Variants in SNIP1 observed in about 807,000 individuals in gnomAD.
SNIP1 encodes the protein smad nuclear-interacting protein 1.
Under a neutral mutation model 37.4 loss-of-function variants are expected in SNIP1, and 23 were observed. The observed-to-expected ratio is 0.61, with a 90% CI of 0.44 to 0.87. The LOEUF (loss-of-function observed/expected upper bound fraction) is 0.87. Ranked by LOEUF, SNIP1 falls within the 40% of genes least tolerant of loss-of-function variation. The pLI is 0.00. For missense variants in SNIP1, 459 were observed against 540.4 expected, an observed-to-expected ratio of 0.85 and a Z score of 1.49; for synonymous variants, 174 against 200.0, an observed-to-expected ratio of 0.87 and a Z score of 1.10.
In SNIP1 at chr1:37,537,629, G is replaced by T; in HGVS notation, c.*119C>A. The T allele has an allele frequency of 1.9e-6, 2 of 1,032,372 alleles. No individual in the cohort carries two copies. The highest frequency in any genetic ancestry group is 2.9e-6 in the Non-Finnish European group (2 of 697,818). The allele number at this position is 1,032,372 out of a possible 1,614,324, so 64.0% of individuals were successfully genotyped here. On this transcript the variant is annotated 3_prime_UTR_variant, in exon 4 of 4. Transcript: ENST00000296215. ...GTCAGCAACAGAGGAAAGACTTAAG[G>T]CAGTAAGAGGCATTACAGAGAGCAC...
In SNIP1 at chr1:37,540,951, T is replaced by C. The variant is rs993434002; in HGVS notation, c.328-196A>G. Reference sequence around the variant, plus strand: ...GCAAGGCCACAAAGATGATATCCCATGCTGCTATTCAACTATAGCCCTAAT... The same window carrying C: ...GCAAGGCCACAAAGATGATATCCCACGCTGCTATTCAACTATAGCCCTAAT... On this transcript the variant is annotated intron_variant, in intron 2 of 3. Coordinates refer to ENST00000296215, the MANE Select transcript of SNIP1 (RefSeq NM_024700.4). This position sits in a 1 kb window ranked among gnomAD's most constrained non-coding sequence, Gnocchi z 5.6. The C allele has an allele frequency of 9.1e-6, 5 of 552,454 alleles. No individual in the cohort carries two copies. Among genetic ancestry groups the C allele is most frequent in the Admixed American group, 3.3e-5 (1 of 30,686 alleles). 34.2% of individuals were successfully genotyped at this position (552,454 alleles called of 1,614,324 possible).
chr1:37,535,589 A>G lies in SNIP1; in HGVS notation c.*2159T>C, dbSNP rs1269603292. 3 of 152,182 alleles carry G rather than the reference A, an allele frequency of 2.0e-5. No homozygotes were observed. Among genetic ancestry groups the G allele is most frequent in the Non-Finnish European group, 4.4e-5 (3 of 68,038 alleles). 9.4% of individuals were successfully genotyped at this position (152,182 alleles called of 1,614,324 possible). A position where few individuals can be genotyped will look rare whatever the true frequency, so the allele number is the denominator to read the frequency against. On this transcript the variant is annotated 3_prime_UTR_variant, in exon 4 of 4. Transcript: ENST00000296215. ...TTGTAGCAAAACTCAAGGCTACCAC[A>G]AAGTAGTGCTACTGCAGCACAGACT...
chr1:37,552,936 A>T (rs890729682), intron 1 of SNIP1, among the ~76,000 whole-genome samples, 189 bp from the exon 2 acceptor site: 1 of 152,144 alleles, frequency 6.6e-6, no homozygotes, highest in Non-Finnish European at 1.5e-5. Flanking sequence ...ACTCACATAG[A>T]CAACTGTCTA....
At chr1:37,549,365 A>G (rs965688193) in intron 2 of SNIP1, among the ~76,000 whole-genome samples, 2 of 152,208 alleles carry the variant, frequency 1.3e-5, no homozygotes, top group African/African-American at 4.8e-5. Context: ...TAAAAAGTCA[A>G]TTATTGCCCC....
At chr1:37,546,159 C>A (rs1036547280) in intron 2 of SNIP1, among the ~76,000 whole-genome samples, 3 of 115,820 alleles carry the variant, frequency 2.6e-5, no homozygotes, top group Non-Finnish European at 3.8e-5. Flanking sequence ...CCCCCCCCCC[C>A]GCTCCCTGCC....
rs531445927 is a variant in SNIP1, at chr1:37,534,768, C to T, written c.*2980G>A. ...AAAATCTGAAGATTCTGTCCCATAC[C>T]TCTGCAGAATCATGGACCCCCACAG... On this transcript the variant is annotated 3_prime_UTR_variant, in exon 4 of 4. Transcript: ENST00000296215. 1 of 152,214 alleles carries T rather than the reference C, an allele frequency of 6.6e-6. No individual in the cohort carries two copies. Among genetic ancestry groups the T allele is most frequent in the South Asian group, 2.1e-4 (1 of 4,820 alleles). The allele number at this position is 152,214 out of a possible 1,614,324, so 9.4% of individuals were successfully genotyped here.
At chr1:37,538,579 G>T (rs1643129079) in intron 3 of SNIP1, among the ~76,000 whole-genome samples, 1 of 150,882 alleles carries the variant, frequency 6.6e-6, no homozygotes, top group Non-Finnish European at 1.5e-5. Flanking sequence ...TAGATCAAAA[G>T]GTGGAAATGC....
At chr1:37,548,919 C>G (rs1163253811) in intron 2 of SNIP1, 2 of 152,372 alleles carry the variant, frequency 1.3e-5, no homozygotes, top group African/African-American at 2.4e-5. Context: ...AACTGTAAGT[C>G]CATTAAACCT....
In SNIP1 at chr1:37,540,465, A is replaced by G; in HGVS notation, c.618T>C (p.Val206=). 1 of 1,614,022 alleles carries G rather than the reference A, an allele frequency of 6.2e-7. No individual in the cohort carries two copies. Among genetic ancestry groups the G allele is most frequent in the East Asian group, 2.2e-5 (1 of 44,882 alleles). ...GGGGSESQEL[V]PRPGGNNKEK... is the part of the protein sequence containing the mutation. ...CTTTGTTGTTGCCACCAGGCCGAGG[A>G]ACCAACTCCTGAGACTCACTGCCGC... Residue 206 remains valine (V), a synonymous_variant, in exon 3 of 4, where the codon GTT becomes GTC. Transcript: ENST00000296215. The surrounding 1 kb of genome is among the most constrained non-coding windows in gnomAD (Gnocchi z 5.6).
In SNIP1 at chr1:37,534,975, A is replaced by T. The variant is rs1481757587; in HGVS notation, c.*2773T>A. 6.6e-6 allele frequency: 1 copy of T among 151,812 alleles called. No homozygotes were observed. Among genetic ancestry groups the T allele is most frequent in the East Asian group, 1.9e-4 (1 of 5,188 alleles). 9.4% of individuals were successfully genotyped at this position (151,812 alleles called of 1,614,324 possible). On this transcript the variant is annotated 3_prime_UTR_variant, in exon 4 of 4. Coordinates refer to ENST00000296215, the MANE Select transcript of SNIP1 (RefSeq NM_024700.4). ...AAAGCTCTAGGATTATGTCCACTTTAAGAAGTCTGCTGGTGATATCTGGCT... is the reference window on the plus strand; with the variant it reads ...AAAGCTCTAGGATTATGTCCACTTTTAGAAGTCTGCTGGTGATATCTGGCT...
chr1:37,541,993 T>C lies in SNIP1; in HGVS notation c.328-1238A>G, dbSNP rs952799223. On this transcript the variant is annotated intron_variant, in intron 2 of 3. Coordinates refer to ENST00000296215, the MANE Select transcript of SNIP1 (RefSeq NM_024700.4). ...ACTATCGATCTTAGCAACTTCAATA[T>C]ATGATTTGAAAAGTTTTTTTTTGTT... Among the ~76,000 whole-genome samples, 3 of 152,034 alleles carry C rather than the reference T, an allele frequency of 2.0e-5. No homozygotes were observed. In the East Asian group the frequency reaches 5.8e-4, roughly 29 times the overall value.
rs1339640139 is a variant in SNIP1 at position 37,535,201 on chromosome 1, C to G, written c.*2547G>C. On this transcript the variant is annotated 3_prime_UTR_variant, in exon 4 of 4. Coordinates refer to ENST00000296215, the MANE Select transcript of SNIP1 (RefSeq NM_024700.4). ...CCTGGCCAATATGGTGAAACCCCAT[C>G]TCTACTAAAAAAAAATAAAAAATAA... 2 of 87,454 alleles carry G rather than the reference C, an allele frequency of 2.3e-5. No individual in the cohort carries two copies. The highest frequency in any genetic ancestry group is 1.2e-4 in the African/African-American group (2 of 17,210). The allele number at this position is 87,454 out of a possible 1,614,324, so 5.4% of individuals were successfully genotyped here. A position where few individuals can be genotyped will look rare whatever the true frequency, so the allele number is the denominator to read the frequency against.
At chr1:37,542,838 G>A (rs1302268951) in intron 2 of SNIP1, among the ~76,000 whole-genome samples, 1 of 152,128 alleles carries the variant, frequency 6.6e-6, no homozygotes, top group African/African-American at 2.4e-5. Context: ...AGCACTTTGG[G>A]AAGCCAAGGC....
chr1:37,546,757 C>A (rs1643244251), intron 2 of SNIP1, among the ~76,000 whole-genome samples: 1 of 152,132 alleles, frequency 6.6e-6, no homozygotes, highest in Admixed American at 6.5e-5. Flanking sequence ...TCCCTTGAAC[C>A]CCTCCAATCA....
Position 37,540,235 on chromosome 1 carries a change from A to G in SNIP1, c.848T>C (p.Leu283Pro). 1 of 1,613,290 alleles carries G rather than the reference A, an allele frequency of 6.2e-7. No individual in the cohort carries two copies. The highest frequency in any genetic ancestry group is 8.5e-7 in the Non-Finnish European group (1 of 1,179,262). ...MYIHRQSAYL[L>P]GRHRRIADIP... ...GTCTGCAATGCGGCGGTGTCGACCCAGTAGGTACGCACTCTGTCGATGTAT... is the reference window on the plus strand; with the variant it reads ...GTCTGCAATGCGGCGGTGTCGACCCGGTAGGTACGCACTCTGTCGATGTAT... The change falls in exon 3 of 4, where the codon CTG becomes CCG. Residue 283 changes from leucine to proline, a missense_variant. Transcript: ENST00000296215. This position sits in a 1 kb window ranked among gnomAD's most constrained non-coding sequence, Gnocchi z 5.6.
intron 2 of SNIP1, among the ~76,000 whole-genome samples, chr1:37,543,341 A>G (rs2148114037): frequency 6.6e-6 from 1 of 152,310 alleles, no homozygotes; most frequent in South Asian, 2.1e-4. Flanking sequence ...TCAATCCTAC[A>G]GAAATACTAG....
intron 2 of SNIP1, among the ~76,000 whole-genome samples, chr1:37,547,882 C>T (rs1379209491): frequency 6.6e-6 from 1 of 151,916 alleles, no homozygotes; most frequent in East Asian, 1.9e-4. Context: ...TGCAGTGACT[C>T]ATGCCTGTAA....
Position 37,550,039 on chromosome 1 carries a change from C to CA in SNIP1, c.327+2605dup, listed in dbSNP as rs1449716761. On this transcript the variant is annotated intron_variant, in intron 2 of 3. Transcript: ENST00000296215. ...GTTGATGCAAGTGGACATTCATAGG[C>CA]AAAAAAAACAAAAACAAAACAAAAC... Among the ~76,000 whole-genome samples, 78 of 149,426 alleles carry CA rather than the reference C, an allele frequency of 5.2e-4. 1 individual carries two copies. Among genetic ancestry groups the CA allele is most frequent in the African/African-American group, 1.5e-3 (62 of 40,674 alleles).
At chr1:37,550,853 C>T (rs185106247) in intron 2 of SNIP1, among the ~76,000 whole-genome samples, 7 of 151,944 alleles carry the variant, frequency 4.6e-5, no homozygotes, top group South Asian at 2.1e-4. Context: ...CCCAGCACTT[C>T]GGGAGGCCGA....
Sources: gnomAD v4.1 joint callset for allele counts (sites outside exome capture counted in the v4.1 genomes callset) on GRCh38, gnomAD v4.1.1 for gene constraint, Gnocchi (gnomAD v3.1) non-coding constraint, MANE v1.5 for transcripts, NCBI Gene and HGNC (gene_info 2026-07-23, HGNC 2026-07-21) for gene names.